CLCN5: variants seen among roughly 807,000 people sequenced by gnomAD.
CLCN5 encodes H(+)/Cl(-) exchange transporter 5.
In CLCN5, 17 loss-of-function variants were observed where a neutral mutation model predicts 54.0. That is an observed-to-expected ratio of 0.31 (90% CI 0.22 to 0.47). CLCN5 has a LOEUF of 0.47. Ranked by LOEUF, CLCN5 falls within the 20% of genes least tolerant of loss-of-function variation. The pLI, the probability that CLCN5 is intolerant of heterozygous loss-of-function variation, is 1.00. For synonymous variants in CLCN5, 222 were observed against 233.0 expected (o/e 0.95, Z 0.43); for missense variants, 448 against 646.7 (o/e 0.69, Z 3.33).
chrX:49,990,196 G>A (rs1448620835), intron 3 of CLCN5, among the ~76,000 whole-genome samples: 3 of 109,642 alleles, frequency 2.7e-5, no homozygotes, highest in Non-Finnish European at 3.8e-5. Flanking sequence ...ACAGAGTCTC[G>A]CTCTGTCGCC....
intron 4 of CLCN5, among the ~76,000 whole-genome samples, chrX:50,066,455 T>TGA (rs1933027188): frequency 1.8e-5 from 2 of 111,092 alleles, no homozygotes; most frequent in African/African-American, 3.3e-5. Context: ...ACCTTAAGAA[T>TGA]TGATGCAAGT....
At chrX:49,976,015 CA>C (rs1430938227) in intron 3 of CLCN5, among the ~76,000 whole-genome samples, 9 of 111,711 alleles carry the variant, frequency 8.1e-5, no homozygotes, top group African/African-American at 2.3e-4. Flanking sequence ...CCAAGGATGA[CA>C]CTAACCATCC....
At chrX:49,986,597 A>T (rs782746746) in intron 3 of CLCN5, among the ~76,000 whole-genome samples, 7 of 112,008 alleles carry the variant, frequency 6.2e-5, no homozygotes, top group Non-Finnish European at 1.3e-4. Context: ...TATGATATTT[A>T]GCACATTCAT....
chrX:50,026,216 A>T (rs1041016654), intron 3 of CLCN5, among the ~76,000 whole-genome samples: 5 of 111,925 alleles, frequency 4.5e-5, no homozygotes, highest in African/African-American at 1.6e-4. Context: ...GTCTAATTCC[A>T]TTGTCCTCTG....
intron 4 of CLCN5, among the ~76,000 whole-genome samples, chrX:50,046,453 A>G (rs1174734853): frequency 8.9e-6 from 1 of 111,913 alleles, no homozygotes; most frequent in East Asian, 2.8e-4. Flanking sequence ...AGAGCAACAC[A>G]GATAAAGGTC....
At chrX:50,089,005 A>G (rs1557194387) in intron 12 of CLCN5, 121 bp downstream of exon 12, 2 of 641,587 alleles carry the variant, frequency 3.1e-6, no homozygotes, top group African/African-American at 2.1e-5. Flanking sequence ...TAGGTTTGCC[A>G]TTTTCCAAGC....
At position 50,019,468 on chromosome X, in the gene CLCN5, CTTTTTTTTTTT is replaced by C. The variant is rs1175073117; in HGVS notation, c.17-22837_17-22827del. 2.3e-3 allele frequency among the ~76,000 whole-genome samples: 112 copies of C among 47,672 alleles called. 2 individuals are homozygous for C. The East Asian group carries it at 0.069, about 29-fold the overall frequency. 41.4% of individuals were successfully genotyped at this position (47,672 alleles called of 115,157 possible). On this transcript the variant is annotated intron_variant, in intron 3 of 14. Transcript: ENST00000376091. ...TCTTTCATGCTTACTTTTTTTTTTT[CTTTTTTTTTTT>C]TTTTTTTTTTATTATACTCTAAGTT...
At chrX:49,984,690 C>T (rs1458983140) in intron 3 of CLCN5, among the ~76,000 whole-genome samples, 1 of 110,277 alleles carries the variant, frequency 9.1e-6, no homozygotes, top group African/African-American at 3.3e-5. Flanking sequence ...TCATAACTCG[C>T]TGTAGTCTCA....
chrX:49,949,903 A>C (rs1926952538), intron 3 of CLCN5, among the ~76,000 whole-genome samples: 1 of 112,127 alleles, frequency 8.9e-6, no homozygotes, highest in African/African-American at 3.2e-5. Flanking sequence ...AGAATCAAGT[A>C]TGTCAAAAAT....
chrX:49,993,168 A>C (rs1557179218), intron 3 of CLCN5, among the ~76,000 whole-genome samples: 1 of 111,365 alleles, frequency 9.0e-6, no homozygotes, highest in African/African-American at 3.3e-5. Context: ...CCCCACACCC[A>C]CCTTCTCCAC....
At chrX:49,938,173 T>G (rs1425192267) in intron 3 of CLCN5, among the ~76,000 whole-genome samples, 2 of 111,702 alleles carry the variant, frequency 1.8e-5, no homozygotes, top group Non-Finnish European at 3.8e-5. Flanking sequence ...AGACAGGTTT[T>G]ACTTTAAGAT....
intron 3 of CLCN5, among the ~76,000 whole-genome samples, chrX:49,937,117 C>T (rs782354126): frequency 9.1e-6 from 1 of 110,377 alleles, no homozygotes; most frequent in South Asian, 3.9e-4. Flanking sequence ...GAATGGTGTC[C>T]AAGATAAATT....
Position 50,090,397 on chromosome X carries a change from G to A in CLCN5, c.2026G>A (p.Glu676Lys). 8.3e-7 allele frequency: 1 copy of A among 1,211,427 alleles called. No homozygotes were observed. Among genetic ancestry groups the A allele is most frequent in the Non-Finnish European group, 1.1e-6 (1 of 895,234 alleles). Reference protein sequence around the residue: ...TVLTQDSMTVEDVETIISETT... With the variant: ...TVLTQDSMTVKDVETIISETT... The stretch of plus-strand genomic sequence containing the variant: ...CCTTACTCAGGACAGTATGACTGTG[G>A]AAGATGTAGAGACCATAATCAGTGA... Residue 676 changes from glutamate to lysine, a missense_variant, in exon 13 of 15, where the codon GAA (glutamate) becomes AAA (lysine). Around this residue, in one of 5 missense-constraint regions of CLCN5, gnomAD observed 297 missense variants for 470.4 expected, o/e 0.63. Transcript: ENST00000376091.
At chrX:49,949,230 T>C (rs1926906109) in intron 3 of CLCN5, among the ~76,000 whole-genome samples, 1 of 112,311 alleles carries the variant, frequency 8.9e-6, no homozygotes. Context: ...GAGGTGTTAC[T>C]GGCATCTAGT....
chrX:50,036,043 C>G (rs1367516241), intron 3 of CLCN5, among the ~76,000 whole-genome samples: 1 of 111,847 alleles, frequency 8.9e-6, no homozygotes, highest in African/African-American at 3.3e-5. Context: ...TTAATTTCTT[C>G]CAGATGTGCC....
At chrX:49,979,303 C>T (rs1159083136) in intron 3 of CLCN5, among the ~76,000 whole-genome samples, 4 of 111,656 alleles carry the variant, frequency 3.6e-5, no homozygotes, top group African/African-American at 9.8e-5. Context: ...CCATATGACA[C>T]ACATTGATCA....
intron 9 of CLCN5, among the ~76,000 whole-genome samples, chrX:50,083,088 C>A (rs951037164): frequency 1.4e-4 from 15 of 109,276 alleles, no homozygotes; most frequent in Non-Finnish European, 2.7e-4. Flanking sequence ...GCTTTATTTT[C>A]TTTGAATTAC....
At chrX:50,029,143 A>G (rs1557185450) in intron 3 of CLCN5, among the ~76,000 whole-genome samples, 1 of 112,009 alleles carries the variant, frequency 8.9e-6, no homozygotes, top group East Asian at 2.8e-4. Flanking sequence ...GTTTGGATCC[A>G]TTGCTAAACT....
chrX:50,085,805 A>G (rs1394356495), intron 9 of CLCN5, among the ~76,000 whole-genome samples, 175 bp from the exon 10 acceptor site: 1 of 111,774 alleles, frequency 8.9e-6, no homozygotes. Flanking sequence ...CATGTGAACT[A>G]TGCATGTGTA....
Sources: gnomAD v4.1 joint callset for allele counts (sites outside exome capture counted in the v4.1 genomes callset) on GRCh38, gnomAD v4.1.1 for gene constraint, gnomAD v4.1.1 regional missense constraint, MANE v1.5 for transcripts, NCBI Gene and HGNC (gene_info 2026-07-23, HGNC 2026-07-21) for gene names.